NUCB1: variants seen among roughly 807,000 people sequenced by gnomAD.
NUCB1 encodes the protein nucleobindin 1, also known as nucleobindin-1.
A neutral mutation model predicts 61.2 loss-of-function variants in NUCB1; 47 were observed. The observed-to-expected ratio is 0.77, with a 90% confidence interval of 0.61 to 0.98. The LOEUF (loss-of-function observed/expected upper bound fraction) is 0.98, where lower values mean the gene tolerates loss of function less well. NUCB1 is among the 50% of genes least tolerant of loss of function. The pLI is 0.00. For synonymous variants in NUCB1, 234 were observed against 243.1 expected, an observed-to-expected ratio of 0.96 and a Z score of 0.35; for missense variants, 583 against 605.3, an observed-to-expected ratio of 0.96 and a Z score of 0.39.
rs2037630115 is a variant in NUCB1 at position 48,923,077 on chromosome 19, C to T, written c.*653C>T. 1 of 153,326 alleles carries T rather than the reference C, an allele frequency of 6.5e-6. No individual in the cohort carries two copies. Among genetic ancestry groups the T allele is most frequent in the Non-Finnish European group, 1.4e-5 (1 of 68,966 alleles). The allele number at this position is 153,326 out of a possible 1,614,324, so 9.5% of individuals were successfully genotyped here. On this transcript the variant is annotated 3_prime_UTR_variant, in exon 13 of 13. Transcript: ENST00000405315. ...CCTCCTGGACCTCTTGGCCCCCAGC[C>T]CCTTCCCCACACAGCCCCAGAAGGG...
chr19:48,908,719 G>GGGGGGT (rs1555791405), intron 4 of NUCB1, among the ~76,000 whole-genome samples: 1 of 70,220 alleles, frequency 1.4e-5, no homozygotes, highest in African/African-American at 7.9e-5. Context: ...ACTTGACCAA[G>GGGGGGT]GGGTGTGTGT....
intron 5 of NUCB1, among the ~76,000 whole-genome samples, chr19:48,912,048 A>G (rs2037479997): frequency 7.0e-6 from 1 of 143,670 alleles, no homozygotes; most frequent in Non-Finnish European, 1.5e-5. Flanking sequence ...TACCTGAGAC[A>G]GCGTCTTGCT....
rs374533730 is a variant in NUCB1, at chr19:48,902,143, G to A, written c.135+1212G>A. On this transcript the variant is annotated intron_variant, in intron 2 of 12. Transcript: ENST00000405315. ...GAGTTGAGTTCTTTCTTTCTTTCTCGCTCTGTCACCAGGCTGGAGTGCAGT... is the reference window on the plus strand; with the variant it reads ...GAGTTGAGTTCTTTCTTTCTTTCTCACTCTGTCACCAGGCTGGAGTGCAGT... 3.7e-4 allele frequency among the ~76,000 whole-genome samples: 56 copies of A among 152,182 alleles called. 1 individual carries two copies. The highest frequency in any genetic ancestry group is 3.5e-3 in the South Asian group (17 of 4,818).
rs1347087822 is a variant in NUCB1 at position 48,919,297 on chromosome 19, G to A, written c.1002+11G>A. The A allele has an allele frequency of 3.7e-6, 6 of 1,602,566 alleles. No individual in the cohort carries two copies. Among genetic ancestry groups the A allele is most frequent in the Non-Finnish European group, 5.1e-6 (6 of 1,169,814 alleles). On this transcript the variant is annotated intron_variant, in intron 10 of 12. Transcript: ENST00000405315. ...GGGGAGGGCTGGGAGGTGAGAACAT[G>A]GGGGATACTCGGGGTCCTGAACCTC...
intron 4 of NUCB1, among the ~76,000 whole-genome samples, chr19:48,910,593 G>A (rs1439747400): frequency 6.6e-6 from 1 of 151,854 alleles, no homozygotes; most frequent in Non-Finnish European, 1.5e-5. Flanking sequence ...TCGGGGCTGA[G>A]GCAGGAGGAT....
At chr19:48,909,308 C>T (rs530747286) in intron 4 of NUCB1, among the ~76,000 whole-genome samples, 25 of 150,934 alleles carry the variant, frequency 1.7e-4, no homozygotes, top group African/African-American at 4.9e-4. Context: ...AGTGCGGTGG[C>T]GCGATCTCAG....
In NUCB1 at chr19:48,922,523, T is replaced by C; in HGVS notation, c.*99T>C. ...TCAGCTTCCCTGGGGGCTGGTGTCA[T>C]GTTGGGCTCCTGGGGCGGGGGCACG... On this transcript the variant is annotated 3_prime_UTR_variant, in exon 13 of 13. Transcript: ENST00000405315. 1 of 972,452 alleles carries C rather than the reference T, an allele frequency of 1.0e-6. No homozygotes were observed. Among genetic ancestry groups the C allele is most frequent in the Non-Finnish European group, 1.6e-6 (1 of 626,404 alleles). 60.2% of individuals were successfully genotyped at this position (972,452 alleles called of 1,614,324 possible).
intron 1 of NUCB1, 81 bp from the exon 2 acceptor site, chr19:48,900,705 G>A: frequency 1.3e-6 from 2 of 1,519,820 alleles, no homozygotes; most frequent in South Asian, 1.2e-5. Flanking sequence ...GGGCGGCGCT[G>A]GGGGCCCGAA....
At chr19:48,912,862 A>AAG in intron 5 of NUCB1, 149 bp from the exon 6 acceptor site, 1 of 399,516 alleles carries the variant, frequency 2.5e-6, no homozygotes. Context: ...AAAAAAAAAA[A>AAG]GGGACATTAG....
chr19:48,921,681 A>G, intron 11 of NUCB1, 146 bp from the exon 12 acceptor site: 1 of 772,986 alleles, frequency 1.3e-6, no homozygotes, highest in South Asian at 1.4e-5. Context: ...CTGTCAATGA[A>G]AGAGAGAAAC....
At position 48,921,261 on chromosome 19, in the gene NUCB1, G is replaced by A. The variant is rs776807521; in HGVS notation, c.1110G>A (p.Gln370=). Residue 370 remains glutamine, a synonymous_variant, in exon 11 of 13, where the codon CAG becomes CAA. Transcript: ENST00000405315. The stretch of plus-strand genomic sequence containing the variant: ...ATGCCAAGGCCCAGCGCCTCAGCCA[G>A]GAGACAGAGGCTCTAGGGCGGTCCC... ...ELNAKAQRLS[Q]ETEALGRSQG... The A allele has an allele frequency of 2.5e-6, 4 of 1,609,016 alleles. No individual in the cohort carries two copies. Among genetic ancestry groups the A allele is most frequent in the Admixed American group, 1.7e-5 (1 of 59,348 alleles).
rs746707374 is a variant in NUCB1, at chr19:48,900,895, G to A, written c.99G>A (p.Ala33=). 1.1e-5 allele frequency: 17 copies of A among 1,613,732 alleles called. 1 individual carries two copies. The Admixed American group carries it at 2.3e-4, about 22-fold the overall frequency. Residue 33 remains alanine (A), a synonymous_variant, in exon 2 of 13, where the codon GCG becomes GCA. Transcript: ENST00000405315. ...TGGCTGTCCCCCTGGAGCGAGGGGC[G>A]CCCAACAAGGAGGAGACCCCTGCGA... ...AVLAVPLERG[A]PNKEETPATE...
At chr19:48,916,503 C>T (rs1478360036) in intron 7 of NUCB1, among the ~76,000 whole-genome samples, 1 of 151,940 alleles carries the variant, frequency 6.6e-6, no homozygotes, top group African/African-American at 2.4e-5. Flanking sequence ...ATCTGTAGTC[C>T]CAGCTCCTTG....
At chr19:48,908,801 G>T (rs1275267481) in intron 4 of NUCB1, among the ~76,000 whole-genome samples, 2 of 150,906 alleles carry the variant, frequency 1.3e-5, no homozygotes, top group African/African-American at 4.9e-5. Flanking sequence ...TGGAGGCCAG[G>T]GCCAGGCTGA....
In NUCB1 at chr19:48,919,271, C is replaced by T. The variant is rs528978870; in HGVS notation, c.987C>T (p.Thr329=). The T allele has an allele frequency of 5.6e-6, 9 of 1,613,296 alleles. No individual in the cohort carries two copies. The East Asian group carries it at 8.9e-5, about 16-fold the overall frequency. Residue 329 remains threonine, a synonymous_variant, in exon 10 of 13, where the codon ACC becomes ACT. Coordinates refer to ENST00000405315, the MANE Select transcript of NUCB1 (RefSeq NM_006184.6). ...ASTQRKEFGD[T]GEGWETVEMH... ...CTCAGAGGAAGGAGTTTGGGGACAC[C>T]GGGGAGGGCTGGGAGGTGAGAACAT...
At chr19:48,916,002 T>C (rs1031130071) in intron 7 of NUCB1, among the ~76,000 whole-genome samples, 9 of 152,148 alleles carry the variant, frequency 5.9e-5, no homozygotes, top group South Asian at 4.1e-4. Context: ...TACACTGTCA[T>C]GCAACCAATT....
chr19:48,902,932 A>G (rs2037367749), intron 2 of NUCB1, among the ~76,000 whole-genome samples: 1 of 114,298 alleles, frequency 8.7e-6, no homozygotes, highest in Admixed American at 8.5e-5. Context: ...AAAGAGGTAA[A>G]GAATGTATAT....
At chr19:48,918,583 G>A in intron 7 of NUCB1, 143 bp from the exon 8 acceptor site, 1 of 701,616 alleles carries the variant, frequency 1.4e-6, no homozygotes, top group East Asian at 2.6e-5. Flanking sequence ...CTAAAGCCTG[G>A]GGGCCACCGT....
intron 1 of NUCB1, 101 bp downstream of exon 1, chr19:48,900,473 T>G (rs2037342022): frequency 5.1e-6 from 2 of 393,482 alleles, no homozygotes; most frequent in Middle Eastern, 7.1e-4. Flanking sequence ...GTGCCAGTAC[T>G]TTAGGTCCTG....
Sources: allele counts gnomAD v4.1 joint callset (sites outside exome capture counted in the v4.1 genomes callset), GRCh38; gene constraint gnomAD v4.1.1; transcripts MANE v1.5; gene names NCBI Gene and HGNC (gene_info 2026-07-23, HGNC 2026-07-21).